PTPN2: variants seen among roughly 807,000 people sequenced by gnomAD.
PTPN2 encodes protein tyrosine phosphatase non-receptor type 2.
In PTPN2, 19 loss-of-function variants were observed where a neutral mutation model predicts 57.3. The ratio of observed to expected loss-of-function variants is 0.33; its 90% confidence interval spans 0.23 to 0.49. PTPN2 has a LOEUF of 0.49. PTPN2 is among the 20% of genes least tolerant of loss of function. PTPN2 has a pLI of 0.99. For synonymous variants in PTPN2, 153 were observed against 164.9 expected, an observed-to-expected ratio of 0.93 and a Z score of 0.55; for missense variants, 358 against 501.1, an observed-to-expected ratio of 0.71 and a Z score of 2.73.
intron 3 of PTPN2, among the ~76,000 whole-genome samples, chr18:12,833,805 C>T (rs905903538): frequency 6.6e-6 from 1 of 152,032 alleles, no homozygotes; most frequent in Non-Finnish European, 1.5e-5. Flanking sequence ...ACTTGGCAGA[C>T]AATGAGGACA....
intron 2 of PTPN2, among the ~76,000 whole-genome samples, chr18:12,838,763 A>G (rs2042953347): frequency 3.0e-5 from 4 of 133,050 alleles, no homozygotes; most frequent in African/African-American, 1.0e-4. Flanking sequence ...ATAGCTATTT[A>G]GAACTGACTA....
At chr18:12,842,423 A>G (rs542576153) in intron 2 of PTPN2, among the ~76,000 whole-genome samples, 27 of 152,214 alleles carry the variant, frequency 1.8e-4, no homozygotes, top group Non-Finnish European at 3.7e-4. Flanking sequence ...ATGCTAAGAA[A>G]AAAGAGTAAC....
intron 2 of PTPN2, among the ~76,000 whole-genome samples, chr18:12,839,956 C>A (rs1038182977): frequency 2.0e-3 from 296 of 146,102 alleles, no homozygotes; most frequent in African/African-American, 5.5e-3. Flanking sequence ...AAAAAAAAAA[C>A]AACCCACAGC....
Position 12,793,398 on chromosome 18 carries a change from T to C in PTPN2, c.*880A>G, listed in dbSNP as rs2041042730. On this transcript the variant is annotated 3_prime_UTR_variant, in exon 9 of 9. Coordinates refer to ENST00000309660, the MANE Select transcript of PTPN2 (RefSeq NM_002828.4). ...TAAATCATAATCTACCCCAACTACATTGAAATTTTCATGAAAAATAAACAT... is the reference window on the plus strand; with the variant it reads ...TAAATCATAATCTACCCCAACTACACTGAAATTTTCATGAAAAATAAACAT... The C allele has an allele frequency of 6.1e-6, 6 of 978,986 alleles. No individual in the cohort carries two copies. The highest frequency in any genetic ancestry group is 6.2e-5 in the Admixed American group (1 of 16,238). The allele number at this position is 978,986 out of a possible 1,614,324, so 60.6% of individuals were successfully genotyped here.
At position 12,807,568 on chromosome 18, in the gene PTPN2, G is replaced by GAAAAA. The variant is rs68088093; in HGVS notation, c.859-5422_859-5418dup. Among the ~76,000 whole-genome samples, 56 of 41,186 alleles carry GAAAAA rather than the reference G, an allele frequency of 1.4e-3. 1 individual carries two copies. The highest frequency in any genetic ancestry group is 3.5e-3 in the East Asian group (3 of 864). The allele number at this position is 41,186 out of a possible 152,430, so 27.0% of individuals were successfully genotyped here. ...TGAATGGAGGGAGAAAGAAAATGTG[G>GAAAAA]AAAAAAAAAAAAAAAAAAATATATA... On this transcript the variant is annotated intron_variant, in intron 7 of 8. Transcript: ENST00000309660.
chr18:12,854,251 T>A (rs533900850), intron 2 of PTPN2, among the ~76,000 whole-genome samples: 1 of 150,488 alleles, frequency 6.6e-6, no homozygotes, highest in South Asian at 2.1e-4. Flanking sequence ...TCCCAGCTAC[T>A]CAGGAGGCTG....
At chr18:12,800,888 G>A (rs1261248540) in intron 8 of PTPN2, among the ~76,000 whole-genome samples, 1 of 152,178 alleles carries the variant, frequency 6.6e-6, no homozygotes, top group Admixed American at 6.5e-5. Context: ...AAATGTAATT[G>A]TAATTTAAAA....
intron 1 of PTPN2, chr18:12,863,370 GA>G (rs1297921131): frequency 6.6e-6 from 1 of 151,970 alleles, no homozygotes; most frequent in Non-Finnish European, 1.5e-5. Flanking sequence ...GAGACAGGAG[GA>G]TTGCTTGAAC....
In PTPN2 at chr18:12,865,313, T is replaced by C. The variant is rs534662793; in HGVS notation, c.70-6059A>G. Reference sequence around the variant, plus strand: ...AGCAAGGCATGGTGGTACACATCTGTGGTCCCAGCTACTTGGGAGGCAGAA... The same window carrying C: ...AGCAAGGCATGGTGGTACACATCTGCGGTCCCAGCTACTTGGGAGGCAGAA... On this transcript the variant is annotated intron_variant, in intron 1 of 8. Transcript: ENST00000309660. 1.1e-4 allele frequency among the ~76,000 whole-genome samples: 16 copies of C among 151,968 alleles called. No individual in the cohort carries two copies. In the East Asian group the frequency reaches 3.1e-3, roughly 29 times the overall value.
chr18:12,791,524 T>G (rs1001658324), downstream of PTPN2, among the ~76,000 whole-genome samples: 7 of 152,214 alleles, frequency 4.6e-5, no homozygotes, highest in African/African-American at 1.7e-4. Flanking sequence ...GTCTGTCTCT[T>G]TGACCAGCAC....
intron 1 of PTPN2, chr18:12,862,595 TG>T (rs5823235): frequency 0.96 from 145,974 of 152,296 alleles, 70,266 homozygotes; most frequent in East Asian, 1. Context: ...ACCACTGGGT[TG>T]GGGCTGCAGG....
intron 5 of PTPN2, among the ~76,000 whole-genome samples, chr18:12,821,796 T>G (rs1054121545): frequency 1.3e-5 from 2 of 152,046 alleles, no homozygotes; most frequent in Admixed American, 6.6e-5. Context: ...TGGGTCATGG[T>G]CTTGTGCACT....
At chr18:12,824,961 C>T (rs1433880014) in intron 5 of PTPN2, among the ~76,000 whole-genome samples, 5 of 152,122 alleles carry the variant, frequency 3.3e-5, no homozygotes, top group Non-Finnish European at 7.4e-5. Context: ...TGGCTCATGC[C>T]TGTAATCCCA....
chr18:12,866,282 C>G (rs573111858), intron 1 of PTPN2, among the ~76,000 whole-genome samples: 1 of 151,608 alleles, frequency 6.6e-6, no homozygotes, highest in African/African-American at 2.4e-5. Context: ...ACTAAAAATA[C>G]AAAAAATTAG....
At chr18:12,796,647 C>A in intron 8 of PTPN2, among the ~76,000 whole-genome samples, 1 of 152,280 alleles carries the variant, frequency 6.6e-6, no homozygotes, top group South Asian at 2.1e-4. Context: ...CCCAAGAGAA[C>A]TGAGAACACA....
At chr18:12,819,637 A>G (rs1187191513) in intron 5 of PTPN2, among the ~76,000 whole-genome samples, 1 of 151,940 alleles carries the variant, frequency 6.6e-6, no homozygotes, top group Non-Finnish European at 1.5e-5. Context: ...AAAGGAATCA[A>G]TCTTATTGTA....
intron 5 of PTPN2, among the ~76,000 whole-genome samples, chr18:12,821,100 C>A (rs2042255267): frequency 6.6e-6 from 1 of 152,128 alleles, no homozygotes; most frequent in Admixed American, 6.5e-5. Context: ...CTCTATGACC[C>A]CAGGCCCAAT....
chr18:12,830,924 A>G lies in PTPN2; in HGVS notation c.360+19T>C. 1 of 1,524,412 alleles carries G rather than the reference A, an allele frequency of 6.6e-7. No individual in the cohort carries two copies. Among genetic ancestry groups the G allele is most frequent in the East Asian group, 2.3e-5 (1 of 44,018 alleles). 94.4% of individuals were successfully genotyped at this position (1,524,412 alleles called of 1,614,324 possible). On this transcript the variant is annotated intron_variant, in intron 4 of 8. Coordinates refer to ENST00000309660, the MANE Select transcript of PTPN2 (RefSeq NM_002828.4). ...ATCACATACAGTATACTAAGTTGTA[A>G]ATATTAAATATTACTCACCGATTCT...
intron 2 of PTPN2, among the ~76,000 whole-genome samples, chr18:12,846,942 T>C (rs1302550559): frequency 6.6e-6 from 1 of 152,140 alleles, no homozygotes; most frequent in Non-Finnish European, 1.5e-5. Context: ...CCCCAAGTGC[T>C]TTATAGATTT....
Sources: gnomAD v4.1 joint callset for allele counts (sites outside exome capture counted in the v4.1 genomes callset) on GRCh38, gnomAD v4.1.1 for gene constraint, MANE v1.5 for transcripts, NCBI Gene and HGNC (gene_info 2026-07-23, HGNC 2026-07-21) for gene names.